BLTP3B: variants seen among roughly 807,000 people sequenced by gnomAD.
BLTP3B encodes bridge-like lipid transfer protein family member 3B.
the BLTP3B span, among the ~76,000 whole-genome samples, chr12:100,115,580 G>A: frequency 2.0e-5 from 3 of 152,068 alleles, no homozygotes; most frequent in African/African-American, 7.2e-5. Context: ...GGCAAGCCTG[G>A]GCAACATAGT....
the BLTP3B span, among the ~76,000 whole-genome samples, chr12:100,104,884 C>CAAAAAAAAAAAAAAAAAAA: frequency 3.0e-5 from 2 of 66,022 alleles, no homozygotes; most frequent in East Asian, 7.1e-4. Flanking sequence ...ACTGCTACTA[C>CAAAAAAAAAAAAAAAAAAA]AAAAAAAAAA....
chr12:100,106,272 A>G, the BLTP3B span, among the ~76,000 whole-genome samples: 6,269 of 56,332 alleles, frequency 0.11, 277 homozygotes, highest in African/African-American at 0.3. Context: ...TTCAAACATG[A>G]CTCTATTAAA....
the BLTP3B span, among the ~76,000 whole-genome samples, chr12:100,093,252 A>C: frequency 6.6e-6 from 1 of 152,170 alleles, no homozygotes; most frequent in Admixed American, 6.5e-5. Flanking sequence ...AATAATACAG[A>C]GTTTACCTTC....
chr12:100,040,770 T>C, the BLTP3B span, among the ~76,000 whole-genome samples: 1 of 152,070 alleles, frequency 6.6e-6, no homozygotes, highest in African/African-American at 2.4e-5. Flanking sequence ...ACTACCTAAA[T>C]AGCCTCAAGA....
chr12:100,091,483 C>T, the BLTP3B span, among the ~76,000 whole-genome samples: 33 of 148,882 alleles, frequency 2.2e-4, no homozygotes, highest in African/African-American at 7.7e-4. Flanking sequence ...CCACAGCGTC[C>T]GGCCCCTAAT....
At chr12:100,115,873 AC>A in the BLTP3B span, among the ~76,000 whole-genome samples, 6 of 152,138 alleles carry the variant, frequency 3.9e-5, no homozygotes, top group African/African-American at 9.7e-5. Flanking sequence ...AATGCAATTC[AC>A]CACATTAAAA....
chr12:100,064,771 G>A, the BLTP3B span, among the ~76,000 whole-genome samples: 15 of 151,252 alleles, frequency 9.9e-5, no homozygotes, highest in Middle Eastern at 3.4e-3. Context: ...CCACCACTAC[G>A]AGAACTGCTA....
At chr12:100,140,627 G>C in the BLTP3B span, among the ~76,000 whole-genome samples, 1 of 140,828 alleles carries the variant, frequency 7.1e-6, no homozygotes, top group Non-Finnish European at 1.5e-5. Context: ...ACTGATTGAA[G>C]CCAGGAGGCA....
the BLTP3B span, among the ~76,000 whole-genome samples, chr12:100,089,642 A>C: frequency 6.6e-6 from 1 of 152,228 alleles, no homozygotes; most frequent in African/African-American, 2.4e-5. Flanking sequence ...AATATATCTC[A>C]GTAAATATCT....
At chr12:100,126,988 C>T in the BLTP3B span, among the ~76,000 whole-genome samples, 1 of 151,352 alleles carries the variant, frequency 6.6e-6, no homozygotes, top group East Asian at 1.9e-4. Context: ...TTTGAATAAA[C>T]ACATGGATAG....
chr12:100,075,059 T>C, the BLTP3B span, among the ~76,000 whole-genome samples: 1 of 151,774 alleles, frequency 6.6e-6, no homozygotes, highest in African/African-American at 2.4e-5. Flanking sequence ...TCACCCAGGC[T>C]GGAGTGCAAT....
At chr12:100,059,814 A>G in the BLTP3B span, 2 of 1,567,500 alleles carry the variant, frequency 1.3e-6, no homozygotes, top group Non-Finnish European at 8.6e-7. Context: ...AAAAAGAACA[A>G]AATTAAATCA....
chr12:100,077,347 T>A, the BLTP3B span, among the ~76,000 whole-genome samples: 2 of 152,346 alleles, frequency 1.3e-5, no homozygotes, highest in Non-Finnish European at 1.5e-5. Flanking sequence ...GTAGGCTACA[T>A]ACCATCTAAG....
At chr12:100,112,930 G>T in the BLTP3B span, among the ~76,000 whole-genome samples, 1 of 151,918 alleles carries the variant, frequency 6.6e-6, no homozygotes, top group Non-Finnish European at 1.5e-5. Flanking sequence ...CAGCACTCTG[G>T]GAGGCTGAGG....
the BLTP3B span, chr12:100,102,984 T>A: frequency 5.2e-6 from 3 of 573,056 alleles, no homozygotes; most frequent in Admixed American, 7.6e-5. Flanking sequence ...CAGAGTCATT[T>A]AAGTGCCTCT....
chr12:100,115,361 A>T, the BLTP3B span, among the ~76,000 whole-genome samples: 1 of 152,202 alleles, frequency 6.6e-6, no homozygotes, highest in Non-Finnish European at 1.5e-5. Flanking sequence ...AGCTGAGATC[A>T]CACCACCACA....
the BLTP3B span, among the ~76,000 whole-genome samples, chr12:100,142,216 AGCCCAG>A: frequency 5.3e-5 from 8 of 152,316 alleles, no homozygotes; most frequent in East Asian, 1.5e-3. Flanking sequence ...CTCGAGTTAG[AGCCCAG>A]CACATTAACC....
At chr12:100,049,583 T>C in the BLTP3B span, among the ~76,000 whole-genome samples, 1 of 152,206 alleles carries the variant, frequency 6.6e-6, no homozygotes, top group African/African-American at 2.4e-5. Context: ...ATTTAATTAG[T>C]GTTATTACTA....
chr12:100,041,461 G>A, the BLTP3B span, among the ~76,000 whole-genome samples: 21 of 124,576 alleles, frequency 1.7e-4, no homozygotes, highest in Admixed American at 9.1e-4. Flanking sequence ...TTTTTGAGAC[G>A]GAGTCTCACT....
Sources: allele counts gnomAD v4.1 joint callset (sites outside exome capture counted in the v4.1 genomes callset), GRCh38; gene constraint gnomAD v4.1.1; transcripts MANE v1.5; gene names NCBI Gene and HGNC (gene_info 2026-07-23, HGNC 2026-07-21).